GOLM2: variants seen among roughly 807,000 people sequenced by gnomAD.
GOLM2 encodes protein GOLM2.
GOLM2 carries 26 observed loss-of-function variants against 55.9 expected under a neutral mutation model. The observed-to-expected ratio is 0.47, with a 90% CI of 0.34 to 0.65. The LOEUF is 0.65. Among genes scored for constraint, GOLM2 ranks in the 30% least tolerant of loss-of-function variants. GOLM2 has a pLI of 0.01. For synonymous variants in GOLM2, 165 were observed against 194.6 expected, an observed-to-expected ratio of 0.85 and a Z score of 1.27; for missense variants, 486 against 531.8, an observed-to-expected ratio of 0.91 and a Z score of 0.85.
intron 8 of GOLM2, among the ~76,000 whole-genome samples, chr15:44,395,563 C>T (rs1040753963): frequency 4.6e-5 from 7 of 151,410 alleles, no homozygotes; most frequent in African/African-American, 7.3e-5. Context: ...TCTTTAGGGC[C>T]GGGTGCGGTG....
chr15:44,328,517 T>C (rs1448635552), intron 2 of GOLM2, among the ~76,000 whole-genome samples, 168 bp from the exon 3 acceptor site: 2 of 152,214 alleles, frequency 1.3e-5, no homozygotes, highest in Non-Finnish European at 2.9e-5. Flanking sequence ...CATGAATGTG[T>C]TACAAAAGGA....
intron 6 of GOLM2, among the ~76,000 whole-genome samples, chr15:44,359,324 A>G (rs1376520344): frequency 1.3e-5 from 2 of 152,016 alleles, no homozygotes; most frequent in African/African-American, 4.8e-5. Context: ...GCAGTGGCTC[A>G]TGCCTGTAAT....
chr15:44,340,448 C>T (rs1041381925), intron 6 of GOLM2, among the ~76,000 whole-genome samples: 5 of 151,768 alleles, frequency 3.3e-5, no homozygotes, highest in Non-Finnish European at 7.4e-5. Flanking sequence ...TCTGTAGAGA[C>T]GGTGCCTCAC....
chr15:44,323,630 G>T (rs1394367553), intron 2 of GOLM2, among the ~76,000 whole-genome samples: 1 of 150,042 alleles, frequency 6.7e-6, no homozygotes, highest in Non-Finnish European at 1.5e-5. Context: ...AGCCTTTGAA[G>T]TTTGGGTTCT....
At chr15:44,404,033 A>G (rs574108604) in intron 9 of GOLM2, among the ~76,000 whole-genome samples, 1 of 152,342 alleles carries the variant, frequency 6.6e-6, no homozygotes, top group East Asian at 1.9e-4. Context: ...CCATGCATGC[A>G]TATCAGAGTG....
At chr15:44,391,512 A>T (rs999643931) in intron 8 of GOLM2, among the ~76,000 whole-genome samples, 2 of 151,122 alleles carry the variant, frequency 1.3e-5, no homozygotes, top group African/African-American at 4.9e-5. Context: ...GTGAGACTCC[A>T]TCTCAAAAAA....
chr15:44,354,492 G>C (rs930489652), intron 6 of GOLM2, among the ~76,000 whole-genome samples: 2 of 151,520 alleles, frequency 1.3e-5, no homozygotes, highest in African/African-American at 4.8e-5. Context: ...AATAAAATGA[G>C]ACAGCAACCA....
chr15:44,356,549 A>G (rs2079199489), intron 6 of GOLM2, among the ~76,000 whole-genome samples: 2 of 152,250 alleles, frequency 1.3e-5, no homozygotes, highest in South Asian at 2.1e-4. Context: ...ACAGGTTTAT[A>G]TGTATTAAAT....
At chr15:44,371,108 C>A (rs919172811) in intron 6 of GOLM2, among the ~76,000 whole-genome samples, 1 of 152,186 alleles carries the variant, frequency 6.6e-6, no homozygotes, top group East Asian at 1.9e-4. Flanking sequence ...CCGTTTCATC[C>A]CCCACAGGTT....
chr15:44,349,274 A>T (rs1231712089), intron 6 of GOLM2, among the ~76,000 whole-genome samples: 1 of 151,830 alleles, frequency 6.6e-6, no homozygotes, highest in Non-Finnish European at 1.5e-5. Flanking sequence ...AAAAAAAAAA[A>T]AACCACACAA....
chr15:44,389,231 C>A (rs2079471182), intron 8 of GOLM2, among the ~76,000 whole-genome samples: 1 of 151,992 alleles, frequency 6.6e-6, no homozygotes, highest in South Asian at 2.1e-4. Flanking sequence ...AATCATTATT[C>A]TCAAAAATTT....
chr15:44,317,662 G>A (rs941797295), intron 1 of GOLM2, among the ~76,000 whole-genome samples: 3 of 152,014 alleles, frequency 2.0e-5, no homozygotes, highest in African/African-American at 4.8e-5. Flanking sequence ...GAATGTGAAT[G>A]GCTCTCTGGT....
At chr15:44,333,917 A>G (rs541850336) in intron 4 of GOLM2, among the ~76,000 whole-genome samples, 13 of 152,068 alleles carry the variant, frequency 8.5e-5, no homozygotes, top group African/African-American at 2.7e-4. Context: ...GGGTTTCACC[A>G]TGTTAGCCAG....
At chr15:44,325,697 G>A (rs904805229) in intron 2 of GOLM2, among the ~76,000 whole-genome samples, 1 of 152,144 alleles carries the variant, frequency 6.6e-6, no homozygotes, top group African/African-American at 2.4e-5. Context: ...CTGAGCACAG[G>A]TTTACTGAAC....
intron 6 of GOLM2, among the ~76,000 whole-genome samples, chr15:44,349,987 G>A (rs1396264752): frequency 3.3e-5 from 5 of 152,086 alleles, no homozygotes; most frequent in African/African-American, 9.7e-5. Flanking sequence ...GGGATACAGC[G>A]AAAGCAGAAC....
chr15:44,332,831 G>C (rs920316349), intron 4 of GOLM2, among the ~76,000 whole-genome samples: 1 of 151,904 alleles, frequency 6.6e-6, no homozygotes, highest in African/African-American at 2.4e-5. Flanking sequence ...TTTTGGGGGG[G>C]GCAAATTCTT....
chr15:44,351,447 G>A (rs946750848), intron 6 of GOLM2, among the ~76,000 whole-genome samples: 134 of 151,572 alleles, frequency 8.8e-4, no homozygotes, highest in African/African-American at 3.2e-3. Flanking sequence ...CGTGGTGGCG[G>A]GTGCCTATAG....
chr15:44,378,696 A>G (rs957053678), intron 6 of GOLM2, among the ~76,000 whole-genome samples: 3 of 152,162 alleles, frequency 2.0e-5, no homozygotes, highest in African/African-American at 7.2e-5. Flanking sequence ...TATTTGTGCT[A>G]TGCATATAAA....
Position 44,414,536 on chromosome 15 carries a change from C to G in GOLM2, c.*1130C>G, listed in dbSNP as rs1206461401. The G allele has an allele frequency of 1.3e-5, 2 of 152,172 alleles. No homozygotes were observed. Among genetic ancestry groups the G allele is most frequent in the Admixed American group, 1.3e-4 (2 of 15,276 alleles). 9.4% of individuals were successfully genotyped at this position (152,172 alleles called of 1,614,324 possible). A position where few individuals can be genotyped will look rare whatever the true frequency, so the allele number is the denominator to read the frequency against. ...CAGAGTTGAAGTTGGTGAAGACATT[C>G]ATGATTTAAACACCAGATCCTGAAA... On this transcript the variant is annotated 3_prime_UTR_variant, in exon 10 of 10. Coordinates refer to ENST00000299957, the MANE Select transcript of GOLM2 (RefSeq NM_138423.4).
Sources: gnomAD v4.1 joint callset for allele counts (sites outside exome capture counted in the v4.1 genomes callset) on GRCh38, gnomAD v4.1.1 for gene constraint, MANE v1.5 for transcripts, NCBI Gene and HGNC (gene_info 2026-07-23, HGNC 2026-07-21) for gene names.